Variants in NTRK3 observed in about 807,000 individuals in gnomAD.
NTRK3 encodes neurotrophic receptor tyrosine kinase 3.
In NTRK3, 24 loss-of-function variants were observed where a neutral mutation model predicts 91.7. The observed-to-expected ratio is 0.26, with a 90% confidence interval of 0.19 to 0.37. The LOEUF (loss-of-function observed/expected upper bound fraction) is 0.37. Ranked by LOEUF, NTRK3 falls within the 10% of genes least tolerant of loss-of-function variation. NTRK3 has a pLI of 1.00. For missense variants in NTRK3, 880 were observed against 1,068.9 expected (o/e 0.82, Z 2.46); for synonymous variants, 483 against 404.0 (o/e 1.20, Z -2.34).
chr15:88,145,939 T>G (rs1308711979), intron 6 of NTRK3, among the ~76,000 whole-genome samples: 1 of 152,130 alleles, frequency 6.6e-6, no homozygotes, highest in Non-Finnish European at 1.5e-5. Flanking sequence ...GGTCAAAGCT[T>G]TGGGTCCACA....
intron 13 of NTRK3, among the ~76,000 whole-genome samples, chr15:88,043,997 C>T (rs1315543720): frequency 6.6e-6 from 1 of 152,114 alleles, no homozygotes; most frequent in East Asian, 1.9e-4. Flanking sequence ...TTGTCACCCC[C>T]AGAAAAGTCA....
intron 14 of NTRK3, among the ~76,000 whole-genome samples, chr15:88,007,179 T>G (rs1425711160): frequency 6.6e-6 from 1 of 152,242 alleles, no homozygotes; most frequent in Non-Finnish European, 1.5e-5. Context: ...GCTTGAGTTA[T>G]ATTCATAATA....
At chr15:88,020,524 C>G (rs567230168) in intron 14 of NTRK3, among the ~76,000 whole-genome samples, 11 of 152,282 alleles carry the variant, frequency 7.2e-5, no homozygotes, top group African/African-American at 2.4e-4. Context: ...TTTCCCCCAA[C>G]AGCATATTTA....
chr15:88,212,212 CA>C (rs558069962), intron 3 of NTRK3, among the ~76,000 whole-genome samples: 2 of 151,678 alleles, frequency 1.3e-5, no homozygotes, highest in Non-Finnish European at 2.9e-5. Context: ...ATTAAAAATA[CA>C]AAAAAAATTA....
At chr15:88,007,864 C>A (rs1415727999) in intron 14 of NTRK3, among the ~76,000 whole-genome samples, 1 of 152,102 alleles carries the variant, frequency 6.6e-6, no homozygotes, top group African/African-American at 2.4e-5. Context: ...ATGAATAGGA[C>A]CCCTAACGTG....
intron 14 of NTRK3, among the ~76,000 whole-genome samples, chr15:87,944,750 G>A (rs1439349589): frequency 2.0e-5 from 3 of 152,192 alleles, no homozygotes; most frequent in East Asian, 1.9e-4. Flanking sequence ...AGGAGCCCCC[G>A]CTGGAAGCCT....
At chr15:88,127,643 G>A (rs1040184545) in intron 11 of NTRK3, among the ~76,000 whole-genome samples, 1 of 152,158 alleles carries the variant, frequency 6.6e-6, no homozygotes, top group African/African-American at 2.4e-5. Context: ...GCTACTCCTT[G>A]CCACAGGCAT....
Position 88,092,651 on chromosome 15 carries a change from C to G in NTRK3, c.1396+33620G>C, listed in dbSNP as rs573790689. 3.3e-5 allele frequency among the ~76,000 whole-genome samples: 5 copies of G among 152,338 alleles called. No homozygotes were observed. In the East Asian group the frequency reaches 9.6e-4, roughly 29 times the overall value. ...GTTCTGCAGGCACAAGGTTGGCAAT[C>G]AGTATTGCTGTTCTGAAATCAAGGC... On this transcript the variant is annotated intron_variant, in intron 13 of 18. Coordinates refer to ENST00000394480, the Ensembl canonical transcript of NTRK3.
chr15:87,921,875 T>C (rs1311023283), intron 17 of NTRK3, among the ~76,000 whole-genome samples: 1 of 150,318 alleles, frequency 6.7e-6, no homozygotes, highest in African/African-American at 2.5e-5. Flanking sequence ...TTAGGGGACT[T>C]GGTATTAAAA....
In NTRK3 at chr15:88,237,965, G is replaced by A. The variant is rs763757127; in HGVS notation, c.248+17941C>T. On this transcript the variant is annotated intron_variant, in intron 3 of 18. Coordinates refer to ENST00000394480, the Ensembl canonical transcript of NTRK3. The surrounding 1 kb of genome is among the most constrained non-coding windows in gnomAD (Gnocchi z 4.0). ...GGAATGTAACTGTATTTGGAGATAG[G>A]GTCTTTAAAGAAGTAATTAAGTTTA... 4.6e-5 allele frequency among the ~76,000 whole-genome samples: 7 copies of A among 152,074 alleles called. No homozygotes were observed. Among genetic ancestry groups the A allele is most frequent in the African/African-American group, 1.7e-4 (7 of 41,416 alleles).
intron 3 of NTRK3, among the ~76,000 whole-genome samples, chr15:88,199,181 G>C (rs1029146762): frequency 1.3e-5 from 2 of 152,200 alleles, no homozygotes; most frequent in Admixed American, 1.3e-4. Context: ...CACTTGGGGG[G>C]CTCAGGGAGC....
At chr15:88,137,432 A>T in exon 7 of NTRK3, 1 of 1,614,080 alleles carries the variant, frequency 6.2e-7, no homozygotes, top group South Asian at 1.1e-5. Flanking sequence ...TGCGGAAGAG[A>T]GGAAGCTGGG....
intron 17 of NTRK3, among the ~76,000 whole-genome samples, chr15:87,924,432 G>A (rs539164843): frequency 6.6e-6 from 1 of 152,166 alleles, no homozygotes; most frequent in East Asian, 1.9e-4. Context: ...CTTACTACCT[G>A]CTGCCAGACC....
intron 14 of NTRK3, among the ~76,000 whole-genome samples, chr15:87,965,883 G>A (rs2072746752): frequency 6.6e-6 from 1 of 152,076 alleles, no homozygotes; most frequent in South Asian, 2.1e-4. Flanking sequence ...TTTGAGACCA[G>A]CCTGGCCAAC....
chr15:88,080,156 T>G (rs1322719072), intron 13 of NTRK3, among the ~76,000 whole-genome samples: 1 of 152,232 alleles, frequency 6.6e-6, no homozygotes, highest in Non-Finnish European at 1.5e-5. Flanking sequence ...AAATAGCACT[T>G]CAATACACAA....
chr15:88,009,472 T>C (rs897455395), intron 14 of NTRK3, among the ~76,000 whole-genome samples: 2 of 152,190 alleles, frequency 1.3e-5, no homozygotes, highest in African/African-American at 2.4e-5. Flanking sequence ...CATGCAGAAA[T>C]GCAAGCCAAT....
At chr15:88,197,438 C>G (rs1197070768) in intron 3 of NTRK3, among the ~76,000 whole-genome samples, 1 of 152,166 alleles carries the variant, frequency 6.6e-6, no homozygotes, top group Non-Finnish European at 1.5e-5. Flanking sequence ...CGATCATGTC[C>G]CCTACAGGCC....
chr15:88,202,659 T>G (rs1189631627), intron 3 of NTRK3, among the ~76,000 whole-genome samples: 1 of 152,134 alleles, frequency 6.6e-6, no homozygotes, highest in African/African-American at 2.4e-5. Flanking sequence ...CCTGCAAGTT[T>G]CCATTCAAGC....
In NTRK3 at chr15:88,242,222, T is replaced by C. The variant is rs541983239; in HGVS notation, c.248+13684A>G. Among the ~76,000 whole-genome samples, 5 of 152,102 alleles carry C rather than the reference T, an allele frequency of 3.3e-5. No homozygotes were observed. The South Asian group carries it at 1.0e-3, about 32-fold the overall frequency. On this transcript the variant is annotated intron_variant, in intron 3 of 18. Transcript: ENST00000394480. ...AAATCTTCATCTCACACAGGCAGAG[T>C]GACAGGGAAAGAAATGAAACTCGCT...
Sources: gnomAD v4.1 joint callset for allele counts (sites outside exome capture counted in the v4.1 genomes callset) on GRCh38, gnomAD v4.1.1 for gene constraint, Gnocchi (gnomAD v3.1) non-coding constraint, MANE v1.5 for transcripts, NCBI Gene and HGNC (gene_info 2026-07-23, HGNC 2026-07-21) for gene names.